LARGE1: variants seen among roughly 807,000 people sequenced by gnomAD.
LARGE1 encodes LARGE xylosyl- and glucuronyltransferase 1.
In LARGE1, 43 loss-of-function variants were observed where a neutral mutation model predicts 87.6. The observed-to-expected ratio is 0.49, with a 90% CI of 0.38 to 0.63. The LOEUF is 0.63. Among genes scored for constraint, LARGE1 ranks in the 30% least tolerant of loss-of-function variants. LARGE1 has a pLI of 0.00. For missense variants in LARGE1, 802 were observed against 1,000.2 expected (o/e 0.80, Z 2.67); for synonymous variants, 434 against 394.6 (o/e 1.10, Z -1.18).
At chr22:33,893,085 T>C (rs540564287) in intron 1 of LARGE1, among the ~76,000 whole-genome samples, 33 of 152,204 alleles carry the variant, frequency 2.2e-4, no homozygotes, top group Non-Finnish European at 2.8e-4. Context: ...TGTGAACTTA[T>C]GAAACGATGC....
At chr22:33,560,166 G>T (rs1465407175) in intron 6 of LARGE1, among the ~76,000 whole-genome samples, 1 of 152,174 alleles carries the variant, frequency 6.6e-6, no homozygotes, top group East Asian at 1.9e-4. Context: ...CTAAGCATCA[G>T]CTCCCAAATC....
At chr22:33,375,801 G>T (rs368145774) in intron 9 of LARGE1, among the ~76,000 whole-genome samples, 1 of 152,074 alleles carries the variant, frequency 6.6e-6, no homozygotes, top group Admixed American at 6.5e-5. Context: ...AGGCTGGAGT[G>T]CAGTGGCACA....
intron 1 of LARGE1, among the ~76,000 whole-genome samples, chr22:33,776,766 C>A (rs957050872): frequency 1.4e-4 from 21 of 152,322 alleles, no homozygotes; most frequent in African/African-American, 4.8e-4. Context: ...GTGTATTGTT[C>A]TTCCAAGTTC....
intron 2 of LARGE1, among the ~76,000 whole-genome samples, chr22:33,740,733 TGG>T (rs1274263269): frequency 6.6e-6 from 1 of 152,198 alleles, no homozygotes; most frequent in Non-Finnish European, 1.5e-5. Flanking sequence ...CAAACCACTA[TGG>T]AGACCTTGAA....
At chr22:33,631,402 ATACTT>A (rs2149096953) in intron 3 of LARGE1, among the ~76,000 whole-genome samples, 1 of 152,312 alleles carries the variant, frequency 6.6e-6, no homozygotes, top group Non-Finnish European at 1.5e-5. Flanking sequence ...CTGTATGAAA[ATACTT>A]TATATTCTTA....
In LARGE1 at chr22:33,591,187, G is replaced by A. The variant is rs183323858; in HGVS notation, c.615+13248C>T. ...CTGCACTCCAGCCTGGGCAAAGAGT[G>A]AGACTCTGCCTCAAACAAACAAACA... On this transcript the variant is annotated intron_variant, in intron 5 of 14. Coordinates refer to ENST00000397394, the MANE Select transcript of LARGE1 (RefSeq NM_133642.5). 6.7e-3 allele frequency among the ~76,000 whole-genome samples: 1,026 copies of A among 152,334 alleles called. 6 individuals are homozygous for A. The highest frequency in any genetic ancestry group is 0.023 in the African/African-American group (950 of 41,578).
chr22:33,327,410 C>T (rs185489242), intron 10 of LARGE1, among the ~76,000 whole-genome samples: 2 of 152,130 alleles, frequency 1.3e-5, no homozygotes, highest in Non-Finnish European at 2.9e-5. Flanking sequence ...GGAAAATACT[C>T]GTAACAATAA....
chr22:33,753,724 G>A (rs1022566995), intron 2 of LARGE1, among the ~76,000 whole-genome samples: 2 of 152,108 alleles, frequency 1.3e-5, no homozygotes, highest in Non-Finnish European at 2.9e-5. Flanking sequence ...ACCCTAGCAG[G>A]ATAGCCAATA....
chr22:33,594,519 G>A (rs1263734659), intron 5 of LARGE1, among the ~76,000 whole-genome samples: 1 of 152,112 alleles, frequency 6.6e-6, no homozygotes, highest in Non-Finnish European at 1.5e-5. Context: ...CCTGCCCATT[G>A]CTTTCTCATT....
At chr22:33,108,426 A>G in the LARGE1 span, 1 of 152,196 alleles carries the variant, frequency 6.6e-6, no homozygotes, top group Non-Finnish European at 1.5e-5. Flanking sequence ...GTTTTTCTGC[A>G]GAAGGAAAAG....
At chr22:33,167,045 A>C (rs1922314221) in intron 11 of LARGE1, among the ~76,000 whole-genome samples, 1 of 152,222 alleles carries the variant, frequency 6.6e-6, no homozygotes, top group East Asian at 1.9e-4. Flanking sequence ...ATGTGAATGT[A>C]ATTCCAAAAG....
At chr22:33,547,115 G>C (rs1031067196) in intron 6 of LARGE1, among the ~76,000 whole-genome samples, 1 of 152,042 alleles carries the variant, frequency 6.6e-6, no homozygotes, top group South Asian at 2.1e-4. Flanking sequence ...TTGTGAAGAT[G>C]AAAGAAGCTA....
chr22:33,712,637 AGTGTGT>A (rs34754283), intron 2 of LARGE1, among the ~76,000 whole-genome samples: 15,345 of 134,634 alleles, frequency 0.11, 909 homozygotes, highest in South Asian at 0.19. Context: ...TGAGGGGTAC[AGTGTGT>A]GTGTGTGTGT....
chr22:33,228,694 A>T (rs1395885235), intron 11 of LARGE1, among the ~76,000 whole-genome samples: 1 of 152,230 alleles, frequency 6.6e-6, no homozygotes, highest in African/African-American at 2.4e-5. Flanking sequence ...AAAGAAAAAA[A>T]TACTTAAGGG....
intron 6 of LARGE1, among the ~76,000 whole-genome samples, chr22:33,509,909 C>G (rs1419465636): frequency 6.6e-6 from 1 of 152,184 alleles, no homozygotes; most frequent in Non-Finnish European, 1.5e-5. Flanking sequence ...CTTCACCAAC[C>G]TATGACAATT....
intron 11 of LARGE1, among the ~76,000 whole-genome samples, chr22:33,179,115 T>A (rs1171724021): frequency 6.6e-6 from 1 of 152,128 alleles, no homozygotes; most frequent in Non-Finnish European, 1.5e-5. Context: ...AAGAATCTTA[T>A]CTAATCCTAA....
intron 2 of LARGE1, among the ~76,000 whole-genome samples, chr22:33,729,307 G>GGCA (rs2149472495): frequency 6.6e-6 from 1 of 152,298 alleles, no homozygotes; most frequent in South Asian, 2.1e-4. Flanking sequence ...CCAATTTTAA[G>GGCA]GCAGCAGCCT....
chr22:33,738,898 CTGTATGTCCCCA>C (rs1362644879), intron 2 of LARGE1, among the ~76,000 whole-genome samples: 9 of 149,300 alleles, frequency 6.0e-5, no homozygotes, highest in African/African-American at 2.0e-4. Flanking sequence ...GGACTGGAAA[CTGTATGTCCCCA>C]TGTATGTCCC....
At chr22:33,864,216 C>T (rs985100469) in intron 1 of LARGE1, among the ~76,000 whole-genome samples, 1 of 152,156 alleles carries the variant, frequency 6.6e-6, no homozygotes, top group Non-Finnish European at 1.5e-5. Context: ...GTTTAAGGGG[C>T]TCTCATTTAC....
Sources: gnomAD v4.1 joint callset for allele counts (sites outside exome capture counted in the v4.1 genomes callset) on GRCh38, gnomAD v4.1.1 for gene constraint, MANE v1.5 for transcripts, NCBI Gene and HGNC (gene_info 2026-07-23, HGNC 2026-07-21) for gene names.